Variants in CDK5RAP1 observed in about 807,000 individuals in gnomAD.
CDK5RAP1 encodes the protein mitochondrial tRNA methylthiotransferase CDK5RAP1.
In CDK5RAP1, 62 loss-of-function variants were observed where a neutral mutation model predicts 64.5. The ratio of observed to expected loss-of-function variants is 0.96; its 90% CI spans 0.78 to 1.19. The LOEUF (loss-of-function observed/expected upper bound fraction) is 1.19. Among genes scored for constraint, CDK5RAP1 ranks in the 50% most tolerant of loss-of-function variants. The pLI is 0.00. For missense variants in CDK5RAP1, 657 were observed against 735.0 expected, an observed-to-expected ratio of 0.89 and a Z score of 1.23; for synonymous variants, 250 against 261.9, an observed-to-expected ratio of 0.95 and a Z score of 0.44.
intron 6 of CDK5RAP1, among the ~76,000 whole-genome samples, 169 bp downstream of exon 6, chr20:33,387,154 C>T (rs893447821): frequency 3.3e-5 from 5 of 151,480 alleles, no homozygotes; most frequent in African/African-American, 1.2e-4. Flanking sequence ...GTAGTCCCAG[C>T]TACTCAGGGG....
chr20:33,389,645 G>A (rs142692975), intron 5 of CDK5RAP1, among the ~76,000 whole-genome samples: 3,172 of 147,732 alleles, frequency 0.021, 96 homozygotes, highest in African/African-American at 0.074. Flanking sequence ...GCCTCTGCCC[G>A]GCCACCCCTT....
At position 33,366,426 on chromosome 20, in the gene CDK5RAP1, T is replaced by A. The variant is rs180786736; in HGVS notation, c.1542+433A>T. The stretch of plus-strand genomic sequence containing the variant: ...AACTTTGAGACCAGCCTGGCCAACA[T>A]GATGAAACCCCGTCTCTACTAAAAA... On this transcript the variant is annotated intron_variant, in intron 12 of 13. Coordinates refer to ENST00000346416, the MANE Select transcript of CDK5RAP1 (RefSeq NM_016408.4). 7.2e-3 allele frequency among the ~76,000 whole-genome samples: 1,033 copies of A among 144,296 alleles called. 8 individuals carry two copies. The highest frequency in any genetic ancestry group is 0.01 in the Non-Finnish European group (688 of 65,870). 94.7% of individuals were successfully genotyped at this position (144,296 alleles called of 152,430 possible).
intron 3 of CDK5RAP1, 87 bp from the exon 4 acceptor site, chr20:33,394,153 AT>A (rs796769875): frequency 2.0e-4 from 183 of 893,218 alleles, no homozygotes; most frequent in Middle Eastern, 2.5e-4. Flanking sequence ...GCTCTTTATT[AT>A]TTTTTTTTCC....
At chr20:33,373,870 G>C (rs1400180565) in intron 9 of CDK5RAP1, 4 of 506,356 alleles carry the variant, frequency 7.9e-6, no homozygotes, top group African/African-American at 3.9e-5. Context: ...TCACACAGTG[G>C]CTGCTCAGTA....
intron 12 of CDK5RAP1, among the ~76,000 whole-genome samples, chr20:33,364,856 G>A (rs534927665): frequency 2.0e-5 from 3 of 151,416 alleles, no homozygotes; most frequent in Non-Finnish European, 4.4e-5. Flanking sequence ...TTCCAGGCAT[G>A]AGCCACCGTG....
intron 3 of CDK5RAP1, among the ~76,000 whole-genome samples, chr20:33,394,657 T>G (rs1229939794): frequency 6.6e-6 from 1 of 152,066 alleles, no homozygotes; most frequent in African/African-American, 2.4e-5. Context: ...ATTTTAACCA[T>G]TTTTAAGGGT....
intron 7 of CDK5RAP1, among the ~76,000 whole-genome samples, chr20:33,385,296 T>C (rs1362042279): frequency 6.6e-6 from 1 of 152,230 alleles, no homozygotes; most frequent in Admixed American, 6.5e-5. Context: ...TAAAAACTTT[T>C]CCTCCAATCC....
At chr20:33,373,797 T>C (rs940207977) in intron 9 of CDK5RAP1, 2 of 314,066 alleles carry the variant, frequency 6.4e-6, no homozygotes, top group Non-Finnish European at 5.8e-6. Context: ...TTAGCCTATG[T>C]TATGGAGTTA....
chr20:33,370,413 C>T, intron 11 of CDK5RAP1, 86 bp downstream of exon 11: 2 of 1,422,672 alleles, frequency 1.4e-6, no homozygotes, highest in Non-Finnish European at 1.9e-6. Flanking sequence ...GCCTTGCCGC[C>T]ACTCTCTTTT....
At chr20:33,373,909 G>T (rs1985525740) in intron 9 of CDK5RAP1, 1 of 560,424 alleles carries the variant, frequency 1.8e-6, no homozygotes, top group African/African-American at 1.9e-5. Flanking sequence ...ACTAAACAGT[G>T]AAAATGGGTG....
intron 2 of CDK5RAP1, among the ~76,000 whole-genome samples, chr20:33,395,424 A>G (rs1988812228): frequency 6.6e-6 from 1 of 152,136 alleles, no homozygotes. Context: ...CCAGGGCAAC[A>G]TAGGGAGACC....
chr20:33,396,997 GAC>G lies in CDK5RAP1; in HGVS notation c.66_67del (p.Ser23LeufsTer15). 6.2e-7 allele frequency: 1 copy of G among 1,614,146 alleles called. No individual in the cohort carries two copies. Among genetic ancestry groups the G allele is most frequent in the Non-Finnish European group, 8.5e-7 (1 of 1,180,018 alleles). On this transcript the variant is annotated frameshift_variant, in exon 2 of 14. Coordinates refer to ENST00000346416, the MANE Select transcript of CDK5RAP1 (RefSeq NM_016408.4). LOFTEE classifies it high-confidence loss of function. ...CCTGCACATCCTCAGCGACAGCCAA[GAC>G]ACAGAGGCCAATGGTCCCCACCCCA... is the stretch of plus-strand genomic sequence containing the variant.
rs369752872 is a variant in CDK5RAP1, at chr20:33,385,736, A to C, written c.790T>G (p.Tyr264Asp). The C allele has an allele frequency of 6.2e-7, 1 of 1,613,938 alleles. No homozygotes were observed. The highest frequency in any genetic ancestry group is 8.5e-7 in the Non-Finnish European group (1 of 1,179,880). Residue 264 changes from tyrosine to aspartate, a missense_variant, in exon 7 of 14, where the codon TAC (tyrosine) becomes GAC (aspartate). Transcript: ENST00000346416. Reference protein sequence around the residue: ...IMRGCDNMCSYCIVPFTRGRE... With the variant: ...IMRGCDNMCSDCIVPFTRGRE... The stretch of plus-strand genomic sequence containing the variant: ...CCCCGGGTGAAAGGAACAATGCAGT[A>C]GCTACACATGTTGTCACAGCCTCGC...
chr20:33,377,168 T>G (rs1986113623), intron 8 of CDK5RAP1, among the ~76,000 whole-genome samples: 2 of 152,162 alleles, frequency 1.3e-5, no homozygotes, highest in Non-Finnish European at 2.9e-5. Context: ...AGACCCCACC[T>G]CTAATTTTTT....
intron 7 of CDK5RAP1, among the ~76,000 whole-genome samples, 179 bp from the exon 8 acceptor site, chr20:33,379,870 A>G (rs944208999): frequency 3.3e-5 from 5 of 152,194 alleles, no homozygotes; most frequent in African/African-American, 1.2e-4. Context: ...AAGCTTAGAC[A>G]TCTTACCTAA....
At chr20:33,371,617 A>C (rs1162820143) in intron 10 of CDK5RAP1, among the ~76,000 whole-genome samples, 1 of 152,064 alleles carries the variant, frequency 6.6e-6, no homozygotes, top group African/African-American at 2.4e-5. Flanking sequence ...GTGAAACCCT[A>C]TCTCTACCAA....
At chr20:33,392,870 T>A (rs1453788409) in intron 4 of CDK5RAP1, among the ~76,000 whole-genome samples, 1 of 151,022 alleles carries the variant, frequency 6.6e-6, no homozygotes, top group Non-Finnish European at 1.5e-5. Flanking sequence ...TTTTTCCCTA[T>A]ACTTAGCAAT....
chr20:33,376,703 C>A (rs914138921), intron 8 of CDK5RAP1, among the ~76,000 whole-genome samples: 1 of 152,020 alleles, frequency 6.6e-6, no homozygotes, highest in East Asian at 1.9e-4. Flanking sequence ...AAGATCAATT[C>A]TTATTATTTA....
At chr20:33,383,183 AAAAT>A (rs879531306) in intron 7 of CDK5RAP1, among the ~76,000 whole-genome samples, 3 of 152,100 alleles carry the variant, frequency 2.0e-5, no homozygotes, top group African/African-American at 7.2e-5. Flanking sequence ...CTCCATCTCA[AAAAT>A]AAATAAATAA....
Sources: allele counts gnomAD v4.1 joint callset (sites outside exome capture counted in the v4.1 genomes callset), GRCh38; gene constraint gnomAD v4.1.1; transcripts MANE v1.5; gene names NCBI Gene and HGNC (gene_info 2026-07-23, HGNC 2026-07-21).